CES5A: variants seen among roughly 807,000 people sequenced by gnomAD.
CES5A encodes the protein carboxylesterase 5A.
CES5A carries 67 observed loss-of-function variants against 62.9 expected under a neutral mutation model. That is an observed-to-expected ratio of 1.07 (90% CI 0.88 to 1.31). CES5A has a LOEUF of 1.31. Ranked by LOEUF, CES5A falls within the 50% of genes most tolerant of loss-of-function variation. The probability of loss-of-function intolerance (pLI) is 0.00; values close to 1 mark genes in which losing one functional copy is unlikely to be tolerated. For synonymous variants in CES5A, 296 were observed against 280.8 expected, an observed-to-expected ratio of 1.05 and a Z score of -0.54; for missense variants, 748 against 708.5, an observed-to-expected ratio of 1.06 and a Z score of -0.63.
intron 11 of CES5A, among the ~76,000 whole-genome samples, chr16:55,847,652 C>T (rs188666228): frequency 2.0e-5 from 3 of 152,158 alleles, no homozygotes; most frequent in Admixed American, 2.0e-4. Context: ...ACATATTGCT[C>T]TTTTTATTAA....
At chr16:55,945,925 A>G (rs1351429791) in intron 2 of CES5A, among the ~76,000 whole-genome samples, 1 of 151,930 alleles carries the variant, frequency 6.6e-6, no homozygotes, top group African/African-American at 2.4e-5. Flanking sequence ...CCCTCTCCCT[A>G]TGCCCCAGGA....
intron 1 of CES5A, among the ~76,000 whole-genome samples, chr16:55,902,176 G>A (rs574535898): frequency 6.6e-6 from 1 of 152,274 alleles, no homozygotes; most frequent in East Asian, 1.9e-4. Context: ...TGGCAGGCCA[G>A]GGCAGCCGGC....
At chr16:55,926,041 A>G (rs757742811), upstream of CES5A, among the ~76,000 whole-genome samples, 8 of 152,100 alleles carry the variant, frequency 5.3e-5, no homozygotes, top group Non-Finnish European at 7.4e-5. Context: ...AAGAAATAAG[A>G]CCTAGTGTTT....
intron 1 of CES5A, among the ~76,000 whole-genome samples, chr16:55,921,878 G>A (rs1245931293): frequency 1.3e-5 from 2 of 151,800 alleles, no homozygotes; most frequent in Non-Finnish European, 2.9e-5. Flanking sequence ...AGTCAAAATG[G>A]GAGAGGAAGT....
chr16:55,847,272 TTC>T (rs2033034257), intron 11 of CES5A, among the ~76,000 whole-genome samples: 1 of 149,442 alleles, frequency 6.7e-6, no homozygotes, highest in African/African-American at 2.5e-5. Flanking sequence ...CCCCTCTCTC[TTC>T]CTTCCCTCTC....
At chr16:55,866,646 C>G in intron 4 of CES5A, among the ~76,000 whole-genome samples, 1 of 110,520 alleles carries the variant, frequency 9.0e-6, no homozygotes, top group South Asian at 2.8e-4. Flanking sequence ...TATAGTGAAA[C>G]TCTGTCTCTG....
chr16:55,910,954 C>G (rs1031364691), intron 1 of CES5A, among the ~76,000 whole-genome samples: 1 of 152,194 alleles, frequency 6.6e-6, no homozygotes, highest in African/African-American at 2.4e-5. Context: ...CTGGCCTGCC[C>G]TAAAGCCTGT....
chr16:55,911,144 G>A (rs1046753063), intron 1 of CES5A, among the ~76,000 whole-genome samples: 5 of 152,118 alleles, frequency 3.3e-5, no homozygotes, highest in African/African-American at 1.2e-4. Flanking sequence ...AGTGGCCCCA[G>A]GTCCCTTCCA....
intron 1 of CES5A, among the ~76,000 whole-genome samples, chr16:55,917,920 T>C (rs1326709119): frequency 1.3e-5 from 2 of 152,180 alleles, no homozygotes; most frequent in African/African-American, 2.4e-5. Context: ...AGCAGCATTG[T>C]CATAATTGTG....
At chr16:55,935,813 T>C (rs1202026019) in intron 2 of CES5A, among the ~76,000 whole-genome samples, 11 of 152,152 alleles carry the variant, frequency 7.2e-5, no homozygotes, top group Non-Finnish European at 1.5e-4. Context: ...ATATTCTTTC[T>C]TCCATACACA....
chr16:55,853,732 C>G (rs776497891), intron 9 of CES5A, among the ~76,000 whole-genome samples: 1 of 152,150 alleles, frequency 6.6e-6, no homozygotes, highest in Non-Finnish European at 1.5e-5. Context: ...CTTCTCTGAC[C>G]TGGCACCAGC....
intron 1 of CES5A, among the ~76,000 whole-genome samples, chr16:55,923,124 A>G (rs2034225088): frequency 6.6e-6 from 1 of 151,450 alleles, no homozygotes; most frequent in Non-Finnish European, 1.5e-5. Context: ...CACTTCAAGC[A>G]ATTAGAAAAG....
chr16:55,905,371 C>CTT (rs59768092), intron 1 of CES5A, among the ~76,000 whole-genome samples: 3 of 148,168 alleles, frequency 2.0e-5, no homozygotes, highest in African/African-American at 5.0e-5. Flanking sequence ...TTAAATCTGA[C>CTT]TTTTTTTTTT....
intron 1 of CES5A, among the ~76,000 whole-genome samples, chr16:55,912,212 G>A (rs921981142): frequency 2.0e-5 from 3 of 152,212 alleles, no homozygotes; most frequent in East Asian, 1.9e-4. Context: ...TCTCGCTGTC[G>A]TCAGTGTCAG....
chr16:55,891,865 C>T (rs150817223), intron 1 of CES5A, among the ~76,000 whole-genome samples: 9 of 152,228 alleles, frequency 5.9e-5, no homozygotes, highest in Middle Eastern at 3.4e-3. Context: ...GCGTAACATA[C>T]GTGACAAAGA....
chr16:55,883,842 T>C (rs2142426700), intron 1 of CES5A, among the ~76,000 whole-genome samples: 1 of 152,282 alleles, frequency 6.6e-6, no homozygotes, highest in South Asian at 2.1e-4. Context: ...ACCTGGGCAC[T>C]AGAGAAATGA....
At chr16:55,886,660 A>G (rs2033818785) in intron 1 of CES5A, among the ~76,000 whole-genome samples, 1 of 152,186 alleles carries the variant, frequency 6.6e-6, no homozygotes, top group South Asian at 2.1e-4. Flanking sequence ...AGTGGGAATC[A>G]AACTCTCTTT....
chr16:55,903,916 C>T lies in CES5A; in HGVS notation c.-256+21407G>A, dbSNP rs563289956. ...GGGGGGAAAAGGGAAATATTTACAA[C>T]CAGATGGGGAAAACGTTGCAAGAAG... On this transcript the variant is annotated intron_variant, in intron 1 of 12. Transcript: ENST00000518005. Among the ~76,000 whole-genome samples, 13 of 152,290 alleles carry T rather than the reference C, an allele frequency of 8.5e-5. No homozygotes were observed. The South Asian group carries it at 2.7e-3, about 32-fold the overall frequency.
intron 1 of CES5A, among the ~76,000 whole-genome samples, chr16:55,902,503 C>T (rs1234959373): frequency 3.3e-5 from 5 of 152,188 alleles, no homozygotes; most frequent in South Asian, 2.1e-4. Context: ...TCCTAAGGAC[C>T]TGCCCGTGGG....
Sources: gnomAD v4.1 joint callset for allele counts (sites outside exome capture counted in the v4.1 genomes callset) on GRCh38, gnomAD v4.1.1 for gene constraint, MANE v1.5 for transcripts, NCBI Gene and HGNC (gene_info 2026-07-23, HGNC 2026-07-21) for gene names.